The following PCDHGA8 variants were observed in gnomAD, a reference collection of about 807,000 sequenced individuals.
PCDHGA8 encodes protocadherin gamma subfamily A, 8.
In PCDHGA8, 45 loss-of-function variants were observed where a neutral mutation model predicts 59.2. That is an observed-to-expected ratio of 0.76 (90% CI 0.60 to 0.98). The LOEUF is 0.98. Ranked by LOEUF, PCDHGA8 falls within the 50% of genes least tolerant of loss-of-function variation. PCDHGA8 has a pLI of 0.00. For synonymous variants in PCDHGA8, 531 were observed against 519.0 expected, an observed-to-expected ratio of 1.02 and a Z score of -0.32; for missense variants, 1,257 against 1,196.2, an observed-to-expected ratio of 1.05 and a Z score of -0.75.
chr5:141,410,068 C>A, intron 1 of PCDHGA8: 1 of 1,612,950 alleles, frequency 6.2e-7, no homozygotes. Context: ...TGGGGCTGCG[C>A]ACTGGGGAGG....
rs1036281905 is a variant in PCDHGA8 at position 141,493,555 on chromosome 5, T to C, written c.2425-1252T>C. ...GCCAGTTATCCTTTTGGAGATTGAG[T>C]TCCCCCAGCTCCGTTTCCTCCTATC... On this transcript the variant is annotated intron_variant, in intron 1 of 3. Transcript: ENST00000398604. This position sits in a 1 kb window ranked among gnomAD's most constrained non-coding sequence, Gnocchi z 4.3. Among the ~76,000 whole-genome samples, 3 of 152,012 alleles carry C rather than the reference T, an allele frequency of 2.0e-5. No individual in the cohort carries two copies. Among genetic ancestry groups the C allele is most frequent in the African/African-American group, 7.3e-5 (3 of 41,362 alleles).
chr5:141,507,754 C>T (rs1488474557), intron 3 of PCDHGA8, among the ~76,000 whole-genome samples: 7 of 152,242 alleles, frequency 4.6e-5, no homozygotes, highest in Admixed American at 2.0e-4. Flanking sequence ...GTCAAGGCCT[C>T]CCACCTTTGG....
chr5:141,432,367 C>A lies in PCDHGA8; in HGVS notation c.2424+37130C>A, dbSNP rs2097491556. 6.2e-7 allele frequency: 1 copy of A among 1,614,246 alleles called. No individual in the cohort carries two copies. The highest frequency in any genetic ancestry group is 8.5e-7 in the Non-Finnish European group (1 of 1,180,040). The stretch of plus-strand genomic sequence containing the variant: ...TGCAAGTGAAAGTGATGGCGCGGGA[C>A]AACGGGCACCCGCCCCTCAGCAGCA... On this transcript the variant is annotated intron_variant, in intron 1 of 3. Transcript: ENST00000398604. This position sits in a 1 kb window ranked among gnomAD's most constrained non-coding sequence, Gnocchi z 6.0.
intron 1 of PCDHGA8, among the ~76,000 whole-genome samples, chr5:141,425,427 A>G (rs925551543): frequency 2.2e-4 from 33 of 152,362 alleles, no homozygotes; most frequent in Non-Finnish European, 4.1e-4. Flanking sequence ...GTCCCATTAA[A>G]TAGAGGATAA....
At chr5:141,418,436 G>A in intron 1 of PCDHGA8, 1 of 1,614,000 alleles carries the variant, frequency 6.2e-7, no homozygotes. Flanking sequence ...CAAATATCCA[G>A]AATTAGTATT....
chr5:141,491,544 C>G lies in PCDHGA8; in HGVS notation c.2425-3263C>G, dbSNP rs546391464. The G allele has an allele frequency of 1.1e-5, 17 of 1,614,018 alleles. No individual in the cohort carries two copies. In the Admixed American group the frequency reaches 1.8e-4, roughly 17 times the overall value. Reference sequence around the variant, plus strand: ...TGGAGGTGACGCTGCGGCCCACAGACTCGCAGAGCCACTGCTACAGGACGT... The same window carrying G: ...TGGAGGTGACGCTGCGGCCCACAGAGTCGCAGAGCCACTGCTACAGGACGT... On this transcript the variant is annotated intron_variant, in intron 1 of 3. Transcript: ENST00000398604. The surrounding 1 kb of genome is among the most constrained non-coding windows in gnomAD (Gnocchi z 6.9).
intron 1 of PCDHGA8, chr5:141,430,868 G>A (rs1414256124): frequency 6.3e-7 from 1 of 1,597,104 alleles, no homozygotes; most frequent in Admixed American, 1.8e-5. Context: ...TTCAGTTCCG[G>A]AAGAGCTGGA....
At chr5:141,430,383 GA>G (rs139772145) in intron 1 of PCDHGA8, among the ~76,000 whole-genome samples, 3,229 of 138,382 alleles carry the variant, frequency 0.023, 41 homozygotes, top group African/African-American at 0.033. Flanking sequence ...AGCTCATTGG[GA>G]AAAAAAAAAA....
At chr5:141,412,906 T>G in intron 1 of PCDHGA8, 1 of 384,208 alleles carries the variant, frequency 2.6e-6, no homozygotes, top group Non-Finnish European at 4.6e-6. Context: ...TTCCATTGCA[T>G]GTATCACTTG....
intron 2 of PCDHGA8, among the ~76,000 whole-genome samples, chr5:141,498,971 G>GGGAAGGAAGGAAGGAAGGAAGGAAGGAA (rs201769957): frequency 9.0e-6 from 1 of 110,972 alleles, no homozygotes; most frequent in Non-Finnish European, 1.8e-5. Flanking sequence ...GAGGGAGGGA[G>GGGAAGGAAGGAAGGAAGGAAGGAAGGAA]GGAAGGAAGG....
At chr5:141,497,464 TGGA>T (rs769464389) in intron 2 of PCDHGA8, among the ~76,000 whole-genome samples, 3 of 151,764 alleles carry the variant, frequency 2.0e-5, no homozygotes, top group Non-Finnish European at 4.4e-5. Context: ...CTTGGAGATA[TGGA>T]GGAGAAGGTG....
intron 1 of PCDHGA8, chr5:141,404,622 A>G (rs1182540384): frequency 9.9e-6 from 16 of 1,614,156 alleles, no homozygotes; most frequent in Non-Finnish European, 1.4e-5. Flanking sequence ...GACCAGAATG[A>G]CAATGCCCCA....
Position 141,489,510 on chromosome 5 carries a change from T to A in PCDHGA8, c.2425-5297T>A, listed in dbSNP as rs762210983. 1 of 1,614,124 alleles carries A rather than the reference T, an allele frequency of 6.2e-7. No individual in the cohort carries two copies. The highest frequency in any genetic ancestry group is 1.7e-5 in the Admixed American group (1 of 60,022). On this transcript the variant is annotated intron_variant, in intron 1 of 3. Transcript: ENST00000398604. This position sits in a 1 kb window ranked among gnomAD's most constrained non-coding sequence, Gnocchi z 4.5. Reference sequence around the variant, plus strand: ...GTGCCCTGGCAGTGAATCAAAAGATTGACCGAGAAAGCCTATGTGGAGCCA... The same window carrying A: ...GTGCCCTGGCAGTGAATCAAAAGATAGACCGAGAAAGCCTATGTGGAGCCA...
At chr5:141,480,059 T>G (rs1169389701) in intron 1 of PCDHGA8, among the ~76,000 whole-genome samples, 1 of 152,096 alleles carries the variant, frequency 6.6e-6, no homozygotes, top group African/African-American at 2.4e-5. Context: ...GAATAATAAG[T>G]GTTTTATAAG....
intron 1 of PCDHGA8, among the ~76,000 whole-genome samples, chr5:141,402,117 A>G (rs1344939045): frequency 6.6e-6 from 1 of 152,172 alleles, no homozygotes; most frequent in Non-Finnish European, 1.5e-5. Context: ...AAATGTGAAA[A>G]TTTCCAACTT....
chr5:141,405,467 T>G lies in PCDHGA8; in HGVS notation c.2424+10230T>G. On this transcript the variant is annotated intron_variant, in intron 1 of 3. Transcript: ENST00000398604. The stretch of plus-strand genomic sequence containing the variant: ...CAGAGTCTTACTCTGTTACCCAGGC[T>G]GGAATGCAGTGGTGTGATCTCGGCT... 3.6e-6 allele frequency: 4 copies of G among 1,103,716 alleles called. No individual in the cohort carries two copies. The South Asian group carries it at 6.1e-5, about 17-fold the overall frequency. 68.4% of individuals were successfully genotyped at this position (1,103,716 alleles called of 1,614,324 possible). A position where few individuals can be genotyped will look rare whatever the true frequency, so the allele number is the denominator to read the frequency against.
rs770391604 is a variant in PCDHGA8, at chr5:141,431,437, G to A, written c.2424+36200G>A. On this transcript the variant is annotated intron_variant, in intron 1 of 3. Coordinates refer to ENST00000398604, the MANE Select transcript of PCDHGA8 (RefSeq NM_032088.2). The surrounding 1 kb of genome is among the most constrained non-coding windows in gnomAD (Gnocchi z 4.8). ...GCGACCCGGTGCGCACAGGCACCGC[G>A]CGCATCCGCGTGATGGTTCTGGATG... The A allele has an allele frequency of 7.4e-6, 12 of 1,613,710 alleles. No homozygotes were observed. In the East Asian group the frequency reaches 2.5e-4, roughly 33 times the overall value.
At chr5:141,472,745 G>A (rs931198460) in intron 1 of PCDHGA8, among the ~76,000 whole-genome samples, 4 of 152,038 alleles carry the variant, frequency 2.6e-5, no homozygotes, top group African/African-American at 9.7e-5. Flanking sequence ...CAGCACTTTG[G>A]GAGGCGGAGG....
intron 1 of PCDHGA8, chr5:141,419,164 C>G: frequency 6.2e-7 from 1 of 1,613,966 alleles, no homozygotes; most frequent in Non-Finnish European, 8.5e-7. Context: ...TATCCTCCAG[C>G]AAAACCATAA....
Sources: allele counts gnomAD v4.1 joint callset (sites outside exome capture counted in the v4.1 genomes callset), GRCh38; gene constraint gnomAD v4.1.1; non-coding constraint Gnocchi (gnomAD v3.1); transcripts MANE v1.5; gene names NCBI Gene and HGNC (gene_info 2026-07-23, HGNC 2026-07-21).